Variants in GFM2 observed in about 807,000 individuals in gnomAD.
GFM2 encodes the protein GTP dependent ribosome recycling factor mitochondrial 2, also known as ribosome-releasing factor 2, mitochondrial.
In GFM2, 72 loss-of-function variants were observed where a neutral mutation model predicts 95.4. The observed-to-expected ratio is 0.76, with a 90% CI of 0.62 to 0.92. GFM2 has a LOEUF of 0.92. Ranked by LOEUF, GFM2 falls within the 40% of genes least tolerant of loss-of-function variation. GFM2 has a pLI of 0.00. For missense variants in GFM2, 825 were observed against 924.1 expected (o/e 0.89, Z 1.39); for synonymous variants, 276 against 317.5 (o/e 0.87, Z 1.39).
intron 15 of GFM2, chr5:74,733,303 C>A (rs749276598): frequency 6.4e-4 from 224 of 348,246 alleles, no homozygotes; most frequent in Middle Eastern, 1.7e-3. Flanking sequence ...CCAGCCTGGG[C>A]AACATGGCGA....
chr5:74,757,589 T>C lies in GFM2; in HGVS notation c.304+1260A>G, dbSNP rs988190561. ...ACCAAAAATACAAAAGTTAGCCAAGTGTGGTGGCACCTGCCTGTAGTCCCA... is the reference window on the plus strand; with the variant it reads ...ACCAAAAATACAAAAGTTAGCCAAGCGTGGTGGCACCTGCCTGTAGTCCCA... On this transcript the variant is annotated intron_variant, in intron 5 of 20. Transcript: ENST00000296805. Among the ~76,000 whole-genome samples the C allele has an allele frequency of 4.0e-5, 6 of 151,392 alleles. No individual in the cohort carries two copies. In the East Asian group the frequency reaches 9.7e-4, roughly 24 times the overall value.
At chr5:74,760,314 C>T (rs1744213217) in intron 3 of GFM2, among the ~76,000 whole-genome samples, 1 of 152,122 alleles carries the variant, frequency 6.6e-6, no homozygotes, top group Non-Finnish European at 1.5e-5. Context: ...AACAGCCAAT[C>T]AGTATTTTTA....
intron 1 of GFM2, among the ~76,000 whole-genome samples, chr5:74,765,867 C>T (rs1744559939): frequency 6.6e-6 from 1 of 151,930 alleles, no homozygotes; most frequent in Non-Finnish European, 1.5e-5. Flanking sequence ...GGTGTGGTGG[C>T]GAGCGCCTAT....
At position 74,764,315 on chromosome 5, in the gene GFM2, ACAATAT is replaced by A. The variant is rs200354135; in HGVS notation, c.-24-555_-24-550del. Among the ~76,000 whole-genome samples, 823 of 152,352 alleles carry A rather than the reference ACAATAT, an allele frequency of 5.4e-3. 6 individuals are homozygous for A. Among genetic ancestry groups the A allele is most frequent in the South Asian group, 0.011 (51 of 4,834 alleles). ...GCTAAATATTCACTATGTTTCAAGT[ACAATAT>A]CAAAGCTATTAGAAATATAAGGACG... On this transcript the variant is annotated intron_variant, in intron 1 of 20. Transcript: ENST00000296805.
intron 4 of GFM2, 23 bp from the exon 5 acceptor site, chr5:74,758,969 G>C: frequency 2.1e-6 from 3 of 1,410,200 alleles, no homozygotes; most frequent in Non-Finnish European, 2.9e-6. Context: ...AAAAAATAAG[G>C]TAAACTTTAC....
rs1465129241 is a variant in GFM2, at chr5:74,726,079, C to T, written c.1774G>A (p.Glu592Lys). Residue 592 changes from glutamate to lysine, a missense_variant, in exon 18 of 21, where the codon GAA becomes AAA. Coordinates refer to ENST00000296805, the MANE Select transcript of GFM2 (RefSeq NM_032380.5). ...GTTTCAATTGGCCTTGCTTCCACTT[C>T]TACAGTCACAAGATGCCTTTTGTCT... ...LGDKRHLVTV[E>K]VEARPIETSS... is the part of the protein sequence containing the mutation. 2 of 1,612,522 alleles carry T rather than the reference C, an allele frequency of 1.2e-6. No individual in the cohort carries two copies. The highest frequency in any genetic ancestry group is 1.7e-6 in the Non-Finnish European group (2 of 1,179,538).
rs759487677 is a variant in GFM2 at position 74,751,452 on chromosome 5, C to T, written c.346G>A (p.Glu116Lys). ...GDTVTDFMAQERERGITIQSA... is the reference protein window; with the variant it reads ...GDTVTDFMAQKRERGITIQSA... ...TGAATAGTAATGCCTCTTTCTCGCTCTTGGGCCATGAAATCTGTCACTGTG... is the reference window on the plus strand; with the variant it reads ...TGAATAGTAATGCCTCTTTCTCGCTTTTGGGCCATGAAATCTGTCACTGTG... Residue 116 changes from glutamate to lysine, a missense_variant, in exon 6 of 21, where the codon GAG becomes AAG. By Grantham distance (56) the Glu-to-Lys change is moderately conservative. Transcript: ENST00000296805. 3.1e-6 allele frequency: 5 copies of T among 1,610,458 alleles called. No individual in the cohort carries two copies. In the Admixed American group the frequency reaches 6.7e-5, roughly 21 times the overall value.
At chr5:74,746,311 AAC>A (rs1262251813) in intron 8 of GFM2, 146 bp from the exon 9 acceptor site, 6 of 438,086 alleles carry the variant, frequency 1.4e-5, no homozygotes, top group African/African-American at 8.1e-5. Flanking sequence ...CTCACTATTT[AAC>A]AGTTTTCCAT....
In GFM2 at chr5:74,736,967, T is replaced by C. The variant is rs1253401963; in HGVS notation, c.1339A>G (p.Ile447Val). 3 of 1,613,460 alleles carry C rather than the reference T, an allele frequency of 1.9e-6. No homozygotes were observed. In the South Asian group the frequency reaches 3.3e-5, roughly 18 times the overall value. ...AATGCACTGGACTTGGATGAGACAA[T>C]GGTGTCTCCAGTGGCAGTCTGCAAG... ...GLKHTATGDT[I>V]VSSKSSALAA... Residue 447 changes from isoleucine (I) to valine (V), a missense_variant, in exon 15 of 21, where the codon ATT (isoleucine) becomes GTT (valine). Coordinates refer to ENST00000296805, the MANE Select transcript of GFM2 (RefSeq NM_032380.5).
chr5:74,727,768 T>G (rs1579970670), intron 17 of GFM2, among the ~76,000 whole-genome samples: 1 of 152,324 alleles, frequency 6.6e-6, no homozygotes, highest in East Asian at 1.9e-4. Context: ...CATTTTTAAT[T>G]AACAAATAAT....
At position 74,736,913 on chromosome 5, in the gene GFM2, C is replaced by G. The variant is rs1299790919; in HGVS notation, c.1393G>C (p.Gly465Arg). Reference sequence around the variant, plus strand: ...TTGTTTTGTCTGTGCTTCTTTTCTCCCTCCCGTTCGGCTCTACGAGCTGCA... The same window carrying G: ...TTGTTTTGTCTGTGCTTCTTTTCTCGCTCCCGTTCGGCTCTACGAGCTGCA... ...LAAARRAERE[G>R]EKKHRQNNEA... is the part of the protein sequence containing the mutation. The change falls in exon 15 of 21, where the codon GGA becomes CGA. Residue 465 changes from glycine to arginine, a missense_variant. By Grantham distance (125) the Gly-to-Arg change is moderately radical. Coordinates refer to ENST00000296805, the MANE Select transcript of GFM2 (RefSeq NM_032380.5). 2 of 1,613,734 alleles carry G rather than the reference C, an allele frequency of 1.2e-6. No homozygotes were observed. The highest frequency in any genetic ancestry group is 1.7e-6 in the Non-Finnish European group (2 of 1,179,786).
intron 14 of GFM2, among the ~76,000 whole-genome samples, chr5:74,737,429 C>G (rs950804841): frequency 6.6e-6 from 1 of 152,132 alleles, no homozygotes; most frequent in Non-Finnish European, 1.5e-5. Context: ...CCATGTAGAG[C>G]CCAATTATCT....
At chr5:74,746,863 T>C (rs1361632717) in intron 8 of GFM2, among the ~76,000 whole-genome samples, 1 of 152,028 alleles carries the variant, frequency 6.6e-6, no homozygotes, top group African/African-American at 2.4e-5. Flanking sequence ...ATTTTAAAGG[T>C]TGCTGGGCTA....
intron 12 of GFM2, among the ~76,000 whole-genome samples, chr5:74,739,658 A>C (rs1482023904): frequency 6.6e-6 from 1 of 152,158 alleles, no homozygotes; most frequent in Non-Finnish European, 1.5e-5. Context: ...GCTTATGAAA[A>C]ATCCTGAAAT....
intron 2 of GFM2, among the ~76,000 whole-genome samples, chr5:74,761,594 G>A (rs763744249): frequency 6.6e-5 from 10 of 152,158 alleles, no homozygotes; most frequent in African/African-American, 4.8e-5. Flanking sequence ...GAGAGAAAAT[G>A]AGAACTGGAG....
intron 8 of GFM2, 99 bp from the exon 9 acceptor site, chr5:74,746,264 T>C (rs967169596): frequency 7.0e-6 from 4 of 572,160 alleles, no homozygotes; most frequent in African/African-American, 1.9e-5. Flanking sequence ...TTTAAGAATG[T>C]TTTCTAAAAT....
At chr5:74,732,938 AC>A in intron 16 of GFM2, 83 bp downstream of exon 16, 1 of 529,484 alleles carries the variant, frequency 1.9e-6, no homozygotes, top group South Asian at 2.3e-5. Flanking sequence ...ACACACACAC[AC>A]ACACACACAC....
At chr5:74,726,248 A>G in intron 17 of GFM2, 122 bp from the exon 18 acceptor site, 1 of 638,550 alleles carries the variant, frequency 1.6e-6, no homozygotes, top group African/African-American at 1.9e-5. Flanking sequence ...GGGAGAGAAT[A>G]TTAACAATGG....
chr5:74,746,620 A>G (rs1035513090), intron 8 of GFM2, among the ~76,000 whole-genome samples: 4 of 152,166 alleles, frequency 2.6e-5, no homozygotes, highest in African/African-American at 9.7e-5. Flanking sequence ...ATCGTATGCT[A>G]CGCTATTCAT....
Sources: gnomAD v4.1 joint callset for allele counts (sites outside exome capture counted in the v4.1 genomes callset) on GRCh38, gnomAD v4.1.1 for gene constraint, MANE v1.5 for transcripts, NCBI Gene and HGNC (gene_info 2026-07-23, HGNC 2026-07-21) for gene names.